The following MARF1 variants were observed in gnomAD, a reference collection of about 807,000 sequenced individuals.
The protein encoded by MARF1 is meiosis regulator and mRNA stability factor 1.
MARF1 carries 24 observed loss-of-function variants against 168.2 expected under a neutral mutation model. The ratio of observed to expected loss-of-function variants is 0.14; its 90% CI spans 0.10 to 0.20. MARF1 has a LOEUF of 0.20. Ranked by LOEUF, MARF1 falls within the 10% of genes least tolerant of loss-of-function variation. MARF1 has a pLI of 1.00. For missense variants in MARF1, 1,744 were observed against 2,143.6 expected (o/e 0.81, Z 3.68); for synonymous variants, 868 against 822.4 (o/e 1.06, Z -0.95).
At chr16:15,613,863 A>T (rs914798855) in intron 16 of MARF1, among the ~76,000 whole-genome samples, 3 of 152,060 alleles carry the variant, frequency 2.0e-5, no homozygotes, top group African/African-American at 7.2e-5. Flanking sequence ...CTCAGAAAGA[A>T]TTCCTTGGTT....
chr16:15,639,026 A>G, intron 2 of MARF1, 64 bp downstream of exon 2: 1 of 1,525,284 alleles, frequency 6.6e-7, no homozygotes. Flanking sequence ...TCCCAGACCA[A>G]ATGGACCTCT....
intron 16 of MARF1, 103 bp from the exon 17 acceptor site, chr16:15,612,880 A>G (rs932032118): frequency 1.1e-6 from 1 of 923,320 alleles, no homozygotes; most frequent in African/African-American, 1.6e-5. Context: ...ATCATGGGGA[A>G]GCAAACAAAA....
intron 5 of MARF1, 86 bp downstream of exon 5, chr16:15,633,531 T>TA (rs1445629058): frequency 4.7e-6 from 5 of 1,055,346 alleles, no homozygotes; most frequent in East Asian, 2.6e-5. Flanking sequence ...GGGTGACACT[T>TA]AGACTCTGTC....
rs1181881202 is a variant in MARF1 at position 15,596,508 on chromosome 16, AAAG to A, written c.*182_*184del. The A allele has an allele frequency of 8.6e-6, 4 of 465,216 alleles. No homozygotes were observed. The highest frequency in any genetic ancestry group is 4.1e-5 in the Admixed American group (1 of 24,306). 28.8% of individuals were successfully genotyped at this position (465,216 alleles called of 1,614,324 possible). A position where few individuals can be genotyped will look rare whatever the true frequency, so the allele number is the denominator to read the frequency against. ...AAAAAAGAAAGAAAAAGGAAGAAGA[AAAG>A]AAAGACTTCAGCTCAAAGCTGTGTT... On this transcript the variant is annotated 3_prime_UTR_variant, in exon 27 of 27. Coordinates refer to ENST00000396368, the MANE Select transcript of MARF1 (RefSeq NM_014647.4).
At chr16:15,634,986 C>T in intron 3 of MARF1, 55 bp from the exon 4 acceptor site, 1 of 1,517,076 alleles carries the variant, frequency 6.6e-7, no homozygotes, top group Non-Finnish European at 9.1e-7. Context: ...ATTTCAGAAG[C>T]TGGAGTTATA....
chr16:15,617,756 T>A (rs147356269), intron 13 of MARF1, among the ~76,000 whole-genome samples: 1 of 152,158 alleles, frequency 6.6e-6, no homozygotes, highest in Non-Finnish European at 1.5e-5. Flanking sequence ...GCTCACTTCA[T>A]TTGAAAGCCA....
chr16:15,626,997 G>GTACTT (rs2034901142), intron 7 of MARF1, among the ~76,000 whole-genome samples: 1 of 146,562 alleles, frequency 6.8e-6, no homozygotes. Flanking sequence ...AAAGAAGGAA[G>GTACTT]TAGAACTGGA....
At chr16:15,603,855 A>G (rs1567533438) in intron 22 of MARF1, among the ~76,000 whole-genome samples, 1 of 152,146 alleles carries the variant, frequency 6.6e-6, no homozygotes. Context: ...ATTCAGAAAG[A>G]TAAAACAGTA....
rs775777665 is a variant in MARF1 at position 15,612,725 on chromosome 16, C to T, written c.3306G>A (p.Gln1102=). ...GCAAGTCAATCACTTCTCTACTGAA[C>T]TGGATCAGCTGGGGGTTACCTACAG... ...KSPVGNPQLI[Q]FSREVIDLLK... Residue 1102 remains glutamine, a synonymous_variant, in exon 17 of 27, where the codon CAG becomes CAA. Coordinates refer to ENST00000396368, the MANE Select transcript of MARF1 (RefSeq NM_014647.4). 9 of 1,614,034 alleles carry T rather than the reference C, an allele frequency of 5.6e-6. No homozygotes were observed. The South Asian group carries it at 9.9e-5, about 18-fold the overall frequency.
rs71375042 is a variant in MARF1 at position 15,605,304 on chromosome 16, A to T, written c.4183-906T>A. 4.7e-3 allele frequency among the ~76,000 whole-genome samples: 708 copies of T among 152,250 alleles called. 10 individuals carry two copies. Among genetic ancestry groups the T allele is most frequent in the South Asian group, 0.024 (115 of 4,822 alleles). On this transcript the variant is annotated intron_variant, in intron 21 of 26. Transcript: ENST00000396368. ...GTCTTGGCAGGGCTAAGTCACCACAAGTTGGCACTCTTTGGACCGTGGATT... is the reference window on the plus strand; with the variant it reads ...GTCTTGGCAGGGCTAAGTCACCACATGTTGGCACTCTTTGGACCGTGGATT...
In MARF1 at chr16:15,622,955, T is replaced by A. The variant is rs754317048; in HGVS notation, c.2439A>T (p.Glu813Asp). Residue 813 changes from glutamate (E) to aspartate (D), a missense_variant, in exon 11 of 27, where the codon GAA (glutamate) becomes GAT (aspartate). Transcript: ENST00000396368. ...TTACCTTGCCATGCCTGGCAAATGCTTCCTGCAGGAGCTGCTGCAGCTCCT... is the reference window on the plus strand; with the variant it reads ...TTACCTTGCCATGCCTGGCAAATGCATCCTGCAGGAGCTGCTGCAGCTCCT... ...SRKELQQLLQEAFARHGKVKS... is the reference protein window; with the variant it reads ...SRKELQQLLQDAFARHGKVKS... 1.9e-5 allele frequency: 30 copies of A among 1,576,012 alleles called. No homozygotes were observed. Among genetic ancestry groups the A allele is most frequent in the Non-Finnish European group, 2.4e-5 (28 of 1,152,558 alleles).
chr16:15,598,295 G>C (rs1471956117), intron 26 of MARF1, among the ~76,000 whole-genome samples: 1 of 152,170 alleles, frequency 6.6e-6, no homozygotes, highest in Admixed American at 6.5e-5. Context: ...GCTCTCACCT[G>C]GAGCCGTGGT....
chr16:15,640,704 A>G (rs2035893075), intron 1 of MARF1, among the ~76,000 whole-genome samples: 1 of 152,230 alleles, frequency 6.6e-6, no homozygotes, highest in South Asian at 2.1e-4. Flanking sequence ...TCAAAAACCA[A>G]CAAACAAAAT....
chr16:15,617,006 A>T (rs1373461548), intron 15 of MARF1, 46 bp downstream of exon 15: 2 of 1,579,184 alleles, frequency 1.3e-6, no homozygotes, highest in Non-Finnish European at 1.7e-6. Context: ...TCCTATAAAA[A>T]GCAGAACTAG....
intron 21 of MARF1, among the ~76,000 whole-genome samples, chr16:15,607,327 T>C (rs1411208080): frequency 6.6e-6 from 1 of 152,148 alleles, no homozygotes; most frequent in African/African-American, 2.4e-5. Context: ...GGTGGGCGGA[T>C]TACCTGAGGC....
intron 10 of MARF1, among the ~76,000 whole-genome samples, 182 bp from the exon 11 acceptor site, chr16:15,623,305 A>T (rs147824628): frequency 2.7e-3 from 303 of 112,962 alleles, no homozygotes; most frequent in African/African-American, 9.7e-3. Flanking sequence ...TTTGAGACAG[A>T]GTCTCGCTCT....
At chr16:15,641,056 T>C (rs1308598587) in intron 1 of MARF1, among the ~76,000 whole-genome samples, 2 of 152,336 alleles carry the variant, frequency 1.3e-5, no homozygotes, top group East Asian at 3.9e-4. Flanking sequence ...ATTGTGCCAC[T>C]GGCCCTTCAG....
At chr16:15,599,250 G>A (rs910827345) in intron 25 of MARF1, 39 of 568,704 alleles carry the variant, frequency 6.9e-5, no homozygotes, top group East Asian at 1.5e-4. Context: ...CTGAAGATCC[G>A]TGTTCTTAGG....
chr16:15,627,253 TG>T (rs2034929572), intron 7 of MARF1, among the ~76,000 whole-genome samples: 2 of 151,722 alleles, frequency 1.3e-5, no homozygotes, highest in Admixed American at 1.3e-4. Flanking sequence ...TTAGGGATGC[TG>T]GGGCAGGTGG....
Sources: gnomAD v4.1 joint callset for allele counts (sites outside exome capture counted in the v4.1 genomes callset) on GRCh38, gnomAD v4.1.1 for gene constraint, MANE v1.5 for transcripts, NCBI Gene and HGNC (gene_info 2026-07-23, HGNC 2026-07-21) for gene names.